The following CNGA1 variants were observed in gnomAD, a reference collection of about 807,000 sequenced individuals.
CNGA1 encodes the protein cyclic nucleotide-gated channel alpha-1.
In CNGA1, 53 loss-of-function variants were observed where a neutral mutation model predicts 69.7. The ratio of observed to expected loss-of-function variants is 0.76; its 90% CI spans 0.61 to 0.96. The LOEUF is 0.96. Among genes scored for constraint, CNGA1 ranks in the 40% least tolerant of loss-of-function variants. The pLI is 0.00. For missense variants in CNGA1, 739 were observed against 811.2 expected, an observed-to-expected ratio of 0.91 and a Z score of 1.08; for synonymous variants, 249 against 283.5, an observed-to-expected ratio of 0.88 and a Z score of 1.22.
At chr4:48,011,143 T>G (rs749464423) in intron 1 of CNGA1, among the ~76,000 whole-genome samples, 1 of 152,108 alleles carries the variant, frequency 6.6e-6, no homozygotes, top group Non-Finnish European at 1.5e-5. Context: ...ATTGGTCGGG[T>G]GTGAGCTAAG....
intron 2 of CNGA1, among the ~76,000 whole-genome samples, chr4:47,995,545 T>C (rs1742443264): frequency 8.7e-6 from 1 of 115,496 alleles, no homozygotes; most frequent in African/African-American, 3.0e-5. Context: ...CTCCCTTCAC[T>C]TCTTGTATCA....
chr4:47,958,673 A>T (rs1740240890), intron 3 of CNGA1, among the ~76,000 whole-genome samples: 1 of 151,474 alleles, frequency 6.6e-6, no homozygotes, highest in Non-Finnish European at 1.5e-5. Flanking sequence ...AATCCAGCAC[A>T]CCCTCCTTTT....
intron 2 of CNGA1, among the ~76,000 whole-genome samples, chr4:47,982,785 CT>C (rs1413694282): frequency 6.6e-6 from 1 of 151,958 alleles, no homozygotes; most frequent in Non-Finnish European, 1.5e-5. Flanking sequence ...ATTTTTTCCT[CT>C]GGTCTAAAAC....
intron 3 of CNGA1, among the ~76,000 whole-genome samples, chr4:47,959,370 G>A (rs1740286012): frequency 6.6e-6 from 1 of 152,088 alleles, no homozygotes; most frequent in African/African-American, 2.4e-5. Flanking sequence ...TTGGAAACTT[G>A]AAAACCTTGT....
At chr4:47,982,843 C>T (rs893964562) in intron 2 of CNGA1, among the ~76,000 whole-genome samples, 4 of 152,086 alleles carry the variant, frequency 2.6e-5, no homozygotes, top group Non-Finnish European at 5.9e-5. Flanking sequence ...CTCGCTCTTT[C>T]GCCCAGGCTG....
intron 2 of CNGA1, among the ~76,000 whole-genome samples, chr4:48,008,104 T>G (rs1714998944): frequency 6.6e-6 from 1 of 152,160 alleles, no homozygotes; most frequent in South Asian, 2.1e-4. Flanking sequence ...TTTGGGTTTT[T>G]TTACATCAAA....
At position 47,951,406 on chromosome 4, in the gene CNGA1, A is replaced by C; in HGVS notation, c.171T>G (p.His57Gln). 6.2e-7 allele frequency: 1 copy of C among 1,613,944 alleles called. No individual in the cohort carries two copies. Among genetic ancestry groups the C allele is most frequent in the East Asian group, 2.2e-5 (1 of 44,878 alleles). Reference sequence around the variant, plus strand: ...ACTTATAACTAAAGGAACCCCTTGCATGAGGGTTTTCATTCTCTGATTCTT... The same window carrying C: ...ACTTATAACTAAAGGAACCCCTTGCCTGAGGGTTTTCATTCTCTGATTCTT... Reference protein sequence around the residue: ...TSEESENENPHARGSFSYKSL... With the variant: ...TSEESENENPQARGSFSYKSL... Residue 57 changes from histidine to glutamine, a missense_variant, in exon 5 of 11, where the codon CAT (histidine) becomes CAG (glutamine). Coordinates refer to ENST00000514170, the MANE Select transcript of CNGA1 (RefSeq NM_001379270.1).
At chr4:47,973,771 C>G (rs979403805) in intron 3 of CNGA1, among the ~76,000 whole-genome samples, 3 of 151,490 alleles carry the variant, frequency 2.0e-5, no homozygotes, top group African/African-American at 7.3e-5. Context: ...GTATTATATA[C>G]TTCTGTTTTA....
intron 3 of CNGA1, among the ~76,000 whole-genome samples, chr4:47,971,993 G>A (rs1486317141): frequency 6.6e-6 from 1 of 152,182 alleles, no homozygotes; most frequent in Non-Finnish European, 1.5e-5. Flanking sequence ...ACTACTGTGA[G>A]TTTGGGGTAT....
intron 6 of CNGA1, among the ~76,000 whole-genome samples, chr4:47,945,497 T>A (rs1033742607): frequency 1.3e-5 from 2 of 152,202 alleles, no homozygotes; most frequent in Non-Finnish European, 2.9e-5. Flanking sequence ...CATGTTGATG[T>A]TGACACCTAG....
chr4:47,940,190 T>C (rs977137645), intron 10 of CNGA1, among the ~76,000 whole-genome samples: 1 of 152,206 alleles, frequency 6.6e-6, no homozygotes, highest in Non-Finnish European at 1.5e-5. Flanking sequence ...TAGAGAATGT[T>C]CAATTTTACG....
intron 2 of CNGA1, among the ~76,000 whole-genome samples, chr4:48,000,023 T>C (rs956188063): frequency 2.8e-4 from 43 of 152,098 alleles, no homozygotes; most frequent in Admixed American, 9.8e-4. Flanking sequence ...AATTAAAATA[T>C]CTGAAATTAA....
intron 3 of CNGA1, among the ~76,000 whole-genome samples, chr4:47,980,452 T>G (rs910627647): frequency 6.8e-6 from 1 of 147,446 alleles, no homozygotes; most frequent in African/African-American, 2.5e-5. Context: ...TTGATAACAG[T>G]TTTTTATTTT....
Position 47,937,251 on chromosome 4 carries a change from CA to C in CNGA1, c.1230del (p.Ile410MetfsTer13). ...NAARAEFQAR[I>X]DAIKQYMHFR... ...AAATGCATATATTGCTTGATAGCAT[CA>C]ATTCTTGCTTGAAATTCTGCTCTGG... On this transcript the variant is annotated frameshift_variant, in exon 11 of 11. Coordinates refer to ENST00000514170, the MANE Select transcript of CNGA1 (RefSeq NM_001379270.1). LOFTEE classifies it high-confidence loss of function. The C allele has an allele frequency of 6.2e-7, 1 of 1,614,040 alleles. No homozygotes were observed. Among genetic ancestry groups the C allele is most frequent in the Non-Finnish European group, 8.5e-7 (1 of 1,180,026 alleles).
In CNGA1 at chr4:47,942,024, A is replaced by AAAAT; in HGVS notation, c.545+16_545+17insATTT. ...GGGGTGAGATCCACAAAAAAAAAAA[A>AAAAT]AAAAAATTATAGACACCTGGCAATA... is the stretch of plus-strand genomic sequence containing the variant. On this transcript the variant is annotated intron_variant, in intron 9 of 10. Coordinates refer to ENST00000514170, the MANE Select transcript of CNGA1 (RefSeq NM_001379270.1). 6.4e-7 allele frequency: 1 copy of AAAAT among 1,558,438 alleles called. No individual in the cohort carries two copies. Among genetic ancestry groups the AAAAT allele is most frequent in the Non-Finnish European group, 8.8e-7 (1 of 1,136,156 alleles).
chr4:47,955,168 C>CT (rs1739996737), intron 3 of CNGA1, among the ~76,000 whole-genome samples: 1 of 107,570 alleles, frequency 9.3e-6, no homozygotes, highest in Non-Finnish European at 1.8e-5. Flanking sequence ...TCTCTTTTTT[C>CT]TTTTCTTTTT....
rs761502235 is a variant in CNGA1, at chr4:47,937,203, C to T, written c.1279G>A (p.Glu427Lys). 2.5e-6 allele frequency: 4 copies of T among 1,614,022 alleles called. No homozygotes were observed. The Admixed American group carries it at 5.0e-5, about 20-fold the overall frequency. ...TCAAACCATTTAATAACCCTCTTTT[C>T]CATATCTTTGCTTACATTTCGAAAA... ...MHFRNVSKDM[E>K]KRVIKWFDYL... is the part of the protein sequence containing the mutation. The change falls in exon 11 of 11, where the codon GAA (glutamate) becomes AAA (lysine). Residue 427 changes from glutamate to lysine, a missense_variant. Transcript: ENST00000514170.
At position 47,936,688 on chromosome 4, in the gene CNGA1, A is replaced by G. The variant is rs1738663540; in HGVS notation, c.1794T>C (p.Ile598=). 1 of 1,614,104 alleles carries G rather than the reference A, an allele frequency of 6.2e-7. No individual in the cohort carries two copies. The highest frequency in any genetic ancestry group is 1.7e-5 in the Admixed American group (1 of 60,016). The change falls in exon 11 of 11, where the codon ATT becomes ATC. Residue 598 remains isoleucine (I), a synonymous_variant. Transcript: ENST00000514170. ...GATCCAGTAGACCATCTTTCATTAAAATCTGCTTCCCTTTCTCTTCCAGCA... is the reference window on the plus strand; with the variant it reads ...GATCCAGTAGACCATCTTTCATTAAGATCTGCTTCCCTTTCTCTTCCAGCA... ...KTMLEEKGKQ[I]LMKDGLLDLN...
intron 3 of CNGA1, among the ~76,000 whole-genome samples, chr4:47,975,199 T>C (rs1430124881): frequency 6.6e-6 from 1 of 152,154 alleles, no homozygotes; most frequent in Non-Finnish European, 1.5e-5. Flanking sequence ...AAGAAAATAA[T>C]AATTATCCTT....
Sources: allele counts gnomAD v4.1 joint callset (sites outside exome capture counted in the v4.1 genomes callset), GRCh38; gene constraint gnomAD v4.1.1; transcripts MANE v1.5; gene names NCBI Gene and HGNC (gene_info 2026-07-23, HGNC 2026-07-21).